The following SPPL2A variants were observed in gnomAD, a reference collection of about 807,000 sequenced individuals.
The protein encoded by SPPL2A is signal peptide peptidase-like 2A.
In SPPL2A, 51 loss-of-function variants were observed where a neutral mutation model predicts 63.8. The observed-to-expected ratio is 0.80, with a 90% CI of 0.64 to 1.01. The LOEUF is 1.01. Among genes scored for constraint, SPPL2A ranks in the 50% least tolerant of loss-of-function variants. The pLI is 0.00. For missense variants in SPPL2A, 553 were observed against 622.7 expected, an observed-to-expected ratio of 0.89 and a Z score of 1.19; for synonymous variants, 188 against 205.8, an observed-to-expected ratio of 0.91 and a Z score of 0.74.
Position 50,725,408 on chromosome 15 carries a change from C to G in SPPL2A, c.1147-85G>C, listed in dbSNP as rs2062678937. On this transcript the variant is annotated intron_variant, in intron 11 of 14. Coordinates refer to ENST00000261854, the MANE Select transcript of SPPL2A (RefSeq NM_032802.4). Reference sequence around the variant, plus strand: ...AATGAACTTCTTGGCAATCTTTACTCATATCTTTTATTTACTAATTTATTT... The same window carrying G: ...AATGAACTTCTTGGCAATCTTTACTGATATCTTTTATTTACTAATTTATTT... 7 of 753,202 alleles carry G rather than the reference C, an allele frequency of 9.3e-6. No homozygotes were observed. In the South Asian group the frequency reaches 1.1e-4, roughly 12 times the overall value. The allele number at this position is 753,202 out of a possible 1,614,324, so 46.7% of individuals were successfully genotyped here.
chr15:50,738,055 G>A (rs2062785804), intron 6 of SPPL2A, among the ~76,000 whole-genome samples: 1 of 152,138 alleles, frequency 6.6e-6, no homozygotes, highest in Non-Finnish European at 1.5e-5. Flanking sequence ...ATGGTGGGAT[G>A]TGCCTGTAGT....
In SPPL2A at chr15:50,705,478, T is replaced by C. The variant is rs1462578066; in HGVS notation, c.*2322A>G. On this transcript the variant is annotated 3_prime_UTR_variant, in exon 15 of 15. Transcript: ENST00000261854. ...GGTGCAGATAATTTTACAAAACAGCTGTATTTTGGCAAATATTTTATTATT... is the reference window on the plus strand; with the variant it reads ...GGTGCAGATAATTTTACAAAACAGCCGTATTTTGGCAAATATTTTATTATT... The C allele has an allele frequency of 6.6e-6, 1 of 152,222 alleles. No individual in the cohort carries two copies. The highest frequency in any genetic ancestry group is 1.9e-4 in the East Asian group (1 of 5,206). 9.4% of individuals were successfully genotyped at this position (152,222 alleles called of 1,614,324 possible). A position where few individuals can be genotyped will look rare whatever the true frequency, so the allele number is the denominator to read the frequency against.
At chr15:50,717,161 C>A (rs2062604866) in intron 14 of SPPL2A, among the ~76,000 whole-genome samples, 1 of 152,104 alleles carries the variant, frequency 6.6e-6, no homozygotes. Flanking sequence ...AGGCTTCTAT[C>A]ACTTCTTTTT....
At chr15:50,749,462 A>C (rs1266406312) in intron 2 of SPPL2A, among the ~76,000 whole-genome samples, 174 bp downstream of exon 2, 4 of 152,024 alleles carry the variant, frequency 2.6e-5, no homozygotes, top group Admixed American at 6.6e-5. Flanking sequence ...TAATTTTTGT[A>C]TTTTTAGTAG....
rs558859173 is a variant in SPPL2A, at chr15:50,732,137, A to G, written c.1014+466T>C. ...TAGCTAAAATAAAGTGTACACATGGATAAGAGTGAGGAATAACAGGCACTG... is the reference window on the plus strand; with the variant it reads ...TAGCTAAAATAAAGTGTACACATGGGTAAGAGTGAGGAATAACAGGCACTG... On this transcript the variant is annotated intron_variant, in intron 9 of 14. Coordinates refer to ENST00000261854, the MANE Select transcript of SPPL2A (RefSeq NM_032802.4). 5.9e-5 allele frequency among the ~76,000 whole-genome samples: 9 copies of G among 152,056 alleles called. No individual in the cohort carries two copies. In the South Asian group the frequency reaches 1.7e-3, roughly 28 times the overall value.
chr15:50,707,836 G>C lies in SPPL2A; in HGVS notation c.1527C>G (p.Asn509Lys). 2 of 1,596,332 alleles carry C rather than the reference G, an allele frequency of 1.3e-6. No individual in the cohort carries two copies. Among genetic ancestry groups the C allele is most frequent in the Non-Finnish European group, 1.7e-6 (2 of 1,163,870 alleles). The change falls in exon 15 of 15, where the codon AAC becomes AAG. Residue 509 changes from asparagine (N) to lysine (K), a missense_variant. Asn to Lys is a moderately conservative substitution (Grantham distance 94). Coordinates refer to ENST00000261854, the MANE Select transcript of SPPL2A (RefSeq NM_032802.4). ...CAATCTGTTCACCAGATATCACAGG[G>C]TTTTCTTCATTTGTTGCACAATCCA... is the stretch of plus-strand genomic sequence containing the variant. ...DHLDCATNEE[N>K]PVISGEQIVQ... is the part of the protein sequence containing the mutation.
chr15:50,745,638 C>A (rs1445847358), intron 5 of SPPL2A, among the ~76,000 whole-genome samples: 2 of 151,176 alleles, frequency 1.3e-5, no homozygotes, highest in African/African-American at 4.9e-5. Context: ...ACCTGAAACT[C>A]CTGGGTTCAA....
chr15:50,746,664 CTT>C (rs35816281), intron 5 of SPPL2A: 11,123 of 116,350 alleles, frequency 0.096, 344 homozygotes, highest in South Asian at 0.15. Flanking sequence ...TAATTATTTA[CTT>C]TTTTTTTTTT....
At chr15:50,757,470 T>C (rs1176249316) in intron 1 of SPPL2A, among the ~76,000 whole-genome samples, 1 of 152,156 alleles carries the variant, frequency 6.6e-6, no homozygotes, top group Non-Finnish European at 1.5e-5. Flanking sequence ...AAATGCTCCT[T>C]ACTGCTCACC....
At chr15:50,720,151 G>A (rs749973554) in intron 13 of SPPL2A, 51 bp from the exon 14 acceptor site, 5 of 1,491,762 alleles carry the variant, frequency 3.4e-6, no homozygotes, top group Non-Finnish European at 4.5e-6. Flanking sequence ...TACCAAAGGT[G>A]GGTTTTTTCC....
intron 14 of SPPL2A, among the ~76,000 whole-genome samples, chr15:50,717,963 CTTTCGTTTT>C (rs1406155017): frequency 7.6e-6 from 1 of 131,332 alleles, no homozygotes; most frequent in Non-Finnish European, 1.6e-5. Flanking sequence ...TAGACTGTAA[CTTTCGTTTT>C]TTTTTTTTTT....
At position 50,765,539 on chromosome 15, in the gene SPPL2A, T is replaced by C; in HGVS notation, c.-6A>G. ...AGCCGCCGCTGCGGCCCCATCGGAC[T>C]GGTGGGTGCCGGGTGGGACGGCACG... On this transcript the variant is annotated 5_prime_UTR_variant, in exon 1 of 15. Coordinates refer to ENST00000261854, the MANE Select transcript of SPPL2A (RefSeq NM_032802.4). 1 of 1,490,468 alleles carries C rather than the reference T, an allele frequency of 6.7e-7. No individual in the cohort carries two copies. The highest frequency in any genetic ancestry group is 8.9e-7 in the Non-Finnish European group (1 of 1,127,802). The allele number at this position is 1,490,468 out of a possible 1,614,324, so 92.3% of individuals were successfully genotyped here. A position where few individuals can be genotyped will look rare whatever the true frequency, so the allele number is the denominator to read the frequency against.
intron 9 of SPPL2A, 34 bp from the exon 10 acceptor site, chr15:50,731,073 C>T (rs200170026): frequency 9.5e-6 from 9 of 942,688 alleles, no homozygotes; most frequent in Non-Finnish European, 1.5e-5. Context: ...AAAGGTCAAT[C>T]TTCCTAAATG....
At chr15:50,759,241 G>C (rs1440204463) in intron 1 of SPPL2A, among the ~76,000 whole-genome samples, 1 of 151,922 alleles carries the variant, frequency 6.6e-6, no homozygotes, top group East Asian at 1.9e-4. Context: ...TATAAATAAA[G>C]TTCACAAATT....
At chr15:50,748,537 C>A in intron 3 of SPPL2A, 151 bp downstream of exon 3, 1 of 585,546 alleles carries the variant, frequency 1.7e-6, no homozygotes, top group South Asian at 2.5e-5. Flanking sequence ...AAGTAAATGC[C>A]TATTAGATCT....
chr15:50,721,158 C>T (rs1488275717), intron 13 of SPPL2A, among the ~76,000 whole-genome samples: 1 of 152,004 alleles, frequency 6.6e-6, no homozygotes, highest in Non-Finnish European at 1.5e-5. Flanking sequence ...CTCAGCCTCC[C>T]GAGTAGCTGG....
chr15:50,732,780 T>C, intron 8 of SPPL2A, 96 bp from the exon 9 acceptor site: 1 of 730,558 alleles, frequency 1.4e-6, no homozygotes, highest in Admixed American at 2.7e-5. Context: ...TTAATTGCTA[T>C]GATTTGACTA....
At chr15:50,728,420 T>TGTAACCTCCGCTCCTG (rs1265036343) in intron 10 of SPPL2A, among the ~76,000 whole-genome samples, 1 of 151,912 alleles carries the variant, frequency 6.6e-6, no homozygotes, top group Admixed American at 6.6e-5. Flanking sequence ...CTCGGATCAC[T>TGTAACCTCCGCTCCTG]GCAAGCTCTG....
chr15:50,739,644 T>A (rs779273277), intron 6 of SPPL2A, 36 bp downstream of exon 6: 1 of 1,438,658 alleles, frequency 7.0e-7, no homozygotes, highest in Non-Finnish European at 9.4e-7. Context: ...AAAGAATGTA[T>A]GTTAACAGTA....
Sources: allele counts gnomAD v4.1 joint callset (sites outside exome capture counted in the v4.1 genomes callset), GRCh38; gene constraint gnomAD v4.1.1; transcripts MANE v1.5; gene names NCBI Gene and HGNC (gene_info 2026-07-23, HGNC 2026-07-21).